Variants in CSMD1 observed in about 807,000 individuals in gnomAD.
The protein encoded by CSMD1 is CUB and Sushi multiple domains 1, also known as CUB and sushi domain-containing protein 1.
In CSMD1, 213 loss-of-function variants were observed where a neutral mutation model predicts 417.5. The observed-to-expected ratio is 0.51, with a 90% CI of 0.46 to 0.57. CSMD1 has a LOEUF of 0.57. CSMD1 is among the 20% of genes least tolerant of loss of function. CSMD1 has a pLI of 0.00. For synonymous variants in CSMD1, 2,862 were observed against 1,736.8 expected, an observed-to-expected ratio of 1.65 and a Z score of -16.11; for missense variants, 6,923 against 4,529.7, an observed-to-expected ratio of 1.53 and a Z score of -15.17.
intron 69 of CSMD1, among the ~76,000 whole-genome samples, chr8:2,940,794 G>C (rs1029988776): frequency 6.6e-6 from 1 of 152,184 alleles, no homozygotes; most frequent in African/African-American, 2.4e-5. Flanking sequence ...GGCAAGTTGA[G>C]GGAAAACAGC....
chr8:4,658,250 C>T (rs758080047), intron 1 of CSMD1, among the ~76,000 whole-genome samples: 16 of 152,098 alleles, frequency 1.1e-4, no homozygotes, highest in Non-Finnish European at 1.9e-4. Flanking sequence ...TCGAGAAACT[C>T]AGATACGTGT....
chr8:3,503,539 T>C (rs1796694859), intron 10 of CSMD1, among the ~76,000 whole-genome samples: 1 of 152,320 alleles, frequency 6.6e-6, no homozygotes, highest in African/African-American at 2.4e-5. Context: ...TCCCAGATGG[T>C]TCTCTGGACC....
rs183129662 is a variant in CSMD1 at position 3,179,237 on chromosome 8, G to A, written c.5725+1873C>T. ...TGGGATTACAGGCGTGAGCCACCGCGCCCAGCCTATAATCTATATTTCAAA... is the reference window on the plus strand; with the variant it reads ...TGGGATTACAGGCGTGAGCCACCGCACCCAGCCTATAATCTATATTTCAAA... On this transcript the variant is annotated intron_variant, in intron 37 of 69. Transcript: ENST00000635120. Among the ~76,000 whole-genome samples, 866 of 152,142 alleles carry A rather than the reference G, an allele frequency of 5.7e-3. 10 individuals carry two copies. Among genetic ancestry groups the A allele is most frequent in the African/African-American group, 0.018 (759 of 41,490 alleles).
intron 5 of CSMD1, among the ~76,000 whole-genome samples, chr8:3,755,144 C>T (rs2623731): frequency 2.0e-5 from 3 of 152,198 alleles, no homozygotes; most frequent in East Asian, 1.9e-4. Context: ...AGCTCCTGCC[C>T]GTTAGAGGCG....
chr8:4,621,922 G>A (rs1036836136), intron 2 of CSMD1, among the ~76,000 whole-genome samples: 2 of 151,666 alleles, frequency 1.3e-5, no homozygotes, highest in African/African-American at 2.4e-5. Context: ...CAGAAAAAAA[G>A]GCAAAAATAC....
rs1052053428 is a variant in CSMD1, at chr8:4,460,241, C to G, written c.303-40176G>C. 3.3e-5 allele frequency among the ~76,000 whole-genome samples: 5 copies of G among 151,598 alleles called. No homozygotes were observed. The East Asian group carries it at 7.7e-4, about 23-fold the overall frequency. ...GAAGTTAAAAAAATTTCTAAAAACC[C>G]AAAGGAGTTAAAGAAATCACTAGGG... On this transcript the variant is annotated intron_variant, in intron 2 of 69. Transcript: ENST00000635120.
At chr8:4,854,080 G>T (rs1801645443) in intron 1 of CSMD1, among the ~76,000 whole-genome samples, 1 of 152,146 alleles carries the variant, frequency 6.6e-6, no homozygotes, top group South Asian at 2.1e-4. Flanking sequence ...CTCATCTCCA[G>T]AAGAGACATT....
rs191488487 is a variant in CSMD1, at chr8:4,706,785, T to A, written c.86-69227A>T. On this transcript the variant is annotated intron_variant, in intron 1 of 69. Coordinates refer to ENST00000635120, the MANE Select transcript of CSMD1 (RefSeq NM_033225.6). ...TCACTCAGAGGCAACAGAAGACGCA[T>A]TTGAGAAAGACAGTGCTTGACTTGT... is the stretch of plus-strand genomic sequence containing the variant. Among the ~76,000 whole-genome samples the A allele has an allele frequency of 2.3e-3, 346 of 152,194 alleles. 2 individuals carry two copies. Among genetic ancestry groups the A allele is most frequent in the African/African-American group, 7.9e-3 (330 of 41,518 alleles).
At chr8:4,015,029 A>G (rs906833182) in intron 4 of CSMD1, among the ~76,000 whole-genome samples, 1 of 152,156 alleles carries the variant, frequency 6.6e-6, no homozygotes, top group African/African-American at 2.4e-5. Flanking sequence ...AGAATCTAAG[A>G]CTGATTTTTT....
At chr8:3,975,614 C>T (rs1171649171) in intron 5 of CSMD1, among the ~76,000 whole-genome samples, 2 of 152,096 alleles carry the variant, frequency 1.3e-5, no homozygotes, top group African/African-American at 4.8e-5. Flanking sequence ...AAAAAGGGTT[C>T]CCATGACTAA....
intron 25 of CSMD1, among the ~76,000 whole-genome samples, chr8:3,293,761 C>T (rs1803756483): frequency 6.6e-6 from 1 of 152,166 alleles, no homozygotes; most frequent in African/African-American, 2.4e-5. Context: ...AACTTCTTTG[C>T]CATGGGTTCA....
chr8:3,409,562 A>G lies in CSMD1; in HGVS notation c.1605T>C (p.Tyr535=), dbSNP rs1178546698. Residue 535 remains tyrosine, a synonymous_variant, in exon 13 of 70, where the codon TAT becomes TAC. Transcript: ENST00000635120. ...GGCGDPGIPA[Y]GKRTGSSFLH... ...GGAAACTGCTGCCCGTCCGCTTCCC[A>G]TAGGCGGGGATTCCAGGATCCCCAC... 3 of 1,609,390 alleles carry G rather than the reference A, an allele frequency of 1.9e-6. No homozygotes were observed. Among genetic ancestry groups the G allele is most frequent in the Non-Finnish European group, 2.5e-6 (3 of 1,177,716 alleles).
At chr8:3,986,114 C>T (rs1383076705) in intron 5 of CSMD1, among the ~76,000 whole-genome samples, 2 of 151,990 alleles carry the variant, frequency 1.3e-5, no homozygotes, top group African/African-American at 4.8e-5. Flanking sequence ...GCTACAAGTT[C>T]AGATGAACAG....
chr8:3,889,924 C>T (rs984440834), intron 5 of CSMD1, among the ~76,000 whole-genome samples: 1 of 151,980 alleles, frequency 6.6e-6, no homozygotes, highest in Non-Finnish European at 1.5e-5. Context: ...GCCACATGCC[C>T]GTAGTCTCAG....
chr8:4,359,845 A>C (rs1463057472), intron 3 of CSMD1, among the ~76,000 whole-genome samples: 2 of 152,214 alleles, frequency 1.3e-5, no homozygotes, highest in African/African-American at 4.8e-5. Flanking sequence ...CGGAAGCAAG[A>C]CTCAGTGCAA....
At chr8:4,806,283 T>C (rs1798581747) in intron 1 of CSMD1, among the ~76,000 whole-genome samples, 1 of 152,098 alleles carries the variant, frequency 6.6e-6, no homozygotes, top group African/African-American at 2.4e-5. Context: ...CTGACCCAAG[T>C]CCCGCTACAC....
chr8:3,198,124 T>A (rs1394820837), intron 33 of CSMD1, among the ~76,000 whole-genome samples: 1 of 152,220 alleles, frequency 6.6e-6, no homozygotes, highest in Non-Finnish European at 1.5e-5. Context: ...TTACTTTAAA[T>A]AAGCATAATT....
chr8:4,196,519 C>A (rs929254650), intron 3 of CSMD1, among the ~76,000 whole-genome samples: 1 of 152,222 alleles, frequency 6.6e-6, no homozygotes, highest in East Asian at 1.9e-4. Flanking sequence ...GGCCCACATT[C>A]CCATTTCCTT....
At chr8:3,389,505 GA>G (rs112846127) in intron 17 of CSMD1, among the ~76,000 whole-genome samples, 8 of 151,656 alleles carry the variant, frequency 5.3e-5, no homozygotes, top group South Asian at 2.1e-4. Context: ...GGTTTCTGGG[GA>G]AAAAAAACAG....
Sources: gnomAD v4.1 joint callset for allele counts (sites outside exome capture counted in the v4.1 genomes callset) on GRCh38, gnomAD v4.1.1 for gene constraint, MANE v1.5 for transcripts, NCBI Gene and HGNC (gene_info 2026-07-23, HGNC 2026-07-21) for gene names.